The following KIF26B variants were observed in gnomAD, a reference collection of about 807,000 sequenced individuals.
The protein encoded by KIF26B is kinesin family member 26B.
A neutral mutation model predicts 151.2 loss-of-function variants in KIF26B; 63 were observed. That is an observed-to-expected ratio of 0.42 (90% confidence interval 0.34 to 0.51). KIF26B has a LOEUF of 0.51. Among genes scored for constraint, KIF26B ranks in the 20% least tolerant of loss-of-function variants. The probability of loss-of-function intolerance (pLI) is 0.07; values close to 1 mark genes in which losing one functional copy is unlikely to be tolerated. For missense variants in KIF26B, 2,813 were observed against 2,913.6 expected (o/e 0.97, Z 0.79); for synonymous variants, 1,357 against 1,262.1 (o/e 1.08, Z -1.59).
chr1:245,487,279 G>C (rs1399969823), intron 4 of KIF26B, among the ~76,000 whole-genome samples: 1 of 152,178 alleles, frequency 6.6e-6, no homozygotes, highest in Non-Finnish European at 1.5e-5. Flanking sequence ...GTATCTAAAA[G>C]AGAAACATGT....
intron 3 of KIF26B, among the ~76,000 whole-genome samples, chr1:245,407,096 T>C (rs904158409): frequency 5.3e-5 from 8 of 152,192 alleles, no homozygotes; most frequent in Admixed American, 2.0e-4. Flanking sequence ...CCCAGGTCTA[T>C]TTTTTAAATG....
intron 2 of KIF26B, among the ~76,000 whole-genome samples, chr1:245,344,525 AATGTATCCTGTAC>A (rs1256540673): frequency 6.6e-6 from 1 of 150,706 alleles, no homozygotes; most frequent in Admixed American, 6.6e-5. Context: ...AAAAAAAGGA[AATGTATCCTGTAC>A]ATGAATGTGG....
chr1:245,701,205 A>G (rs2044767297), intron 14 of KIF26B, among the ~76,000 whole-genome samples: 1 of 152,214 alleles, frequency 6.6e-6, no homozygotes, highest in Non-Finnish European at 1.5e-5. Context: ...AAGGGGAAAT[A>G]TATATTGTTT....
At chr1:245,554,105 G>A (rs965672706) in intron 5 of KIF26B, among the ~76,000 whole-genome samples, 1 of 151,868 alleles carries the variant, frequency 6.6e-6, no homozygotes, top group Non-Finnish European at 1.5e-5. Flanking sequence ...GTCCCCTACT[G>A]AGCCCCCTTT....
chr1:245,640,160 T>TATATATATATATAGATATAC (rs796722836), intron 9 of KIF26B, among the ~76,000 whole-genome samples: 1 of 54,850 alleles, frequency 1.8e-5, no homozygotes, highest in African/African-American at 7.3e-5. Context: ...TATATATATA[T>TATATATATATATAGATATAC]ACCCTGCTAT....
chr1:245,465,312 G>C (rs1659761265), intron 4 of KIF26B, among the ~76,000 whole-genome samples: 1 of 152,104 alleles, frequency 6.6e-6, no homozygotes, highest in African/African-American at 2.4e-5. Context: ...CCGCCTGTGG[G>C]TGGGGACTGT....
chr1:245,218,259 G>A lies in KIF26B; in HGVS notation c.465+61576G>A, dbSNP rs1393265683. Among the ~76,000 whole-genome samples, 1 of 152,166 alleles carries A rather than the reference G, an allele frequency of 6.6e-6. No individual in the cohort carries two copies. Among genetic ancestry groups the A allele is most frequent in the African/African-American group, 2.4e-5 (1 of 41,440 alleles). The stretch of plus-strand genomic sequence containing the variant: ...GACTGTGCCTGTGGCTTCTCAGTGG[G>A]GTGCCTTAGGGTCCCCTCAGCAGAT... On this transcript the variant is annotated intron_variant, in intron 2 of 14. Transcript: ENST00000407071. This position sits in a 1 kb window ranked among gnomAD's most constrained non-coding sequence, Gnocchi z 4.1.
chr1:245,408,165 C>T (rs377252503), intron 3 of KIF26B, among the ~76,000 whole-genome samples: 17 of 152,100 alleles, frequency 1.1e-4, no homozygotes, highest in East Asian at 5.8e-4. Context: ...ATCTTGACTA[C>T]TCAGTCTGAA....
At chr1:245,455,321 T>C (rs943851307) in intron 4 of KIF26B, among the ~76,000 whole-genome samples, 1 of 152,040 alleles carries the variant, frequency 6.6e-6, no homozygotes, top group South Asian at 2.1e-4. Flanking sequence ...CTGGCCAACA[T>C]GGTGAAACCC....
intron 3 of KIF26B, among the ~76,000 whole-genome samples, chr1:245,395,673 G>A (rs4658765): frequency 0.24 from 35,830 of 152,080 alleles, 6,556 homozygotes; most frequent in African/African-American, 0.51. Flanking sequence ...ATCTTAACCA[G>A]CATGCTTCTG....
At chr1:245,306,822 C>G (rs1329489398) in intron 2 of KIF26B, among the ~76,000 whole-genome samples, 2 of 152,224 alleles carry the variant, frequency 1.3e-5, no homozygotes, top group Non-Finnish European at 2.9e-5. Context: ...TGATCTCTAT[C>G]TGATCGAGAG....
At chr1:245,455,581 G>T (rs908238928) in intron 4 of KIF26B, among the ~76,000 whole-genome samples, 7 of 152,172 alleles carry the variant, frequency 4.6e-5, no homozygotes, top group African/African-American at 1.7e-4. Context: ...TTCAGTATAA[G>T]CAAATGCTTA....
rs1306219550 is a variant in KIF26B at position 245,363,868 on chromosome 1, C to G, written c.466-2966C>G. Among the ~76,000 whole-genome samples, 16 of 152,246 alleles carry G rather than the reference C, an allele frequency of 1.1e-4. No individual in the cohort carries two copies. The East Asian group carries it at 3.1e-3, about 29-fold the overall frequency. On this transcript the variant is annotated intron_variant, in intron 2 of 14. Transcript: ENST00000407071. The stretch of plus-strand genomic sequence containing the variant: ...TTGGGCCCAGCTGTGCTGAATGGCT[C>G]TGTTGGTGCTCGCTGGGCTTGCTTT...
chr1:245,289,377 C>T (rs1395054275), intron 2 of KIF26B, among the ~76,000 whole-genome samples: 1 of 152,088 alleles, frequency 6.6e-6, no homozygotes, highest in Non-Finnish European at 1.5e-5. Flanking sequence ...TTGTGATTTT[C>T]GACTCGGCAA....
intron 2 of KIF26B, among the ~76,000 whole-genome samples, chr1:245,289,396 A>T (rs1251640029): frequency 6.6e-6 from 1 of 152,134 alleles, no homozygotes; most frequent in East Asian, 1.9e-4. Context: ...AAGTGTATGG[A>T]CTTGAAAAAA....
At chr1:245,655,219 C>T (rs2044060655) in intron 10 of KIF26B, among the ~76,000 whole-genome samples, 1 of 152,236 alleles carries the variant, frequency 6.6e-6, no homozygotes, top group African/African-American at 2.4e-5. Context: ...TCAGCAAAAT[C>T]TCAATCATTC....
intron 4 of KIF26B, among the ~76,000 whole-genome samples, chr1:245,480,071 C>T (rs1411103873): frequency 6.6e-6 from 1 of 151,534 alleles, no homozygotes; most frequent in Admixed American, 6.6e-5. Flanking sequence ...TAGGACCAGC[C>T]TGGGCAACAT....
At chr1:245,539,348 C>T (rs565722540) in intron 4 of KIF26B, among the ~76,000 whole-genome samples, 9 of 152,244 alleles carry the variant, frequency 5.9e-5, no homozygotes, top group African/African-American at 1.2e-4. Context: ...GAGGGAGAGG[C>T]GGTGCAAACG....
chr1:245,161,645 C>T (rs1271009837), intron 2 of KIF26B, among the ~76,000 whole-genome samples: 1 of 152,172 alleles, frequency 6.6e-6, no homozygotes, highest in African/African-American at 2.4e-5. Flanking sequence ...CACACACACA[C>T]ATAATCTCAT....
Sources: gnomAD v4.1 joint callset for allele counts (sites outside exome capture counted in the v4.1 genomes callset) on GRCh38, gnomAD v4.1.1 for gene constraint, Gnocchi (gnomAD v3.1) non-coding constraint, MANE v1.5 for transcripts, NCBI Gene and HGNC (gene_info 2026-07-23, HGNC 2026-07-21) for gene names.